The following TEKT3 variants were observed in gnomAD, a reference collection of about 807,000 sequenced individuals.
The protein encoded by TEKT3 is tektin-3.
Under a neutral mutation model 49.8 loss-of-function variants are expected in TEKT3, and 49 were observed. The observed-to-expected ratio is 0.98, with a 90% CI of 0.78 to 1.25. TEKT3 has a LOEUF of 1.25. TEKT3 is among the 50% of genes most tolerant of loss of function. The probability of loss-of-function intolerance (pLI) is 0.00; values close to 1 mark genes in which losing one functional copy is unlikely to be tolerated. For synonymous variants in TEKT3, 225 were observed against 237.2 expected (o/e 0.95, Z 0.47); for missense variants, 595 against 629.5 (o/e 0.95, Z 0.59).
chr17:15,319,657 C>A (rs924943434), intron 4 of TEKT3, among the ~76,000 whole-genome samples: 3 of 152,164 alleles, frequency 2.0e-5, no homozygotes, highest in African/African-American at 7.2e-5. Context: ...GGTCGCCCTC[C>A]GGTCCTGCTT....
At position 15,304,768 on chromosome 17, in the gene TEKT3, C is replaced by T. The variant is rs575461122; in HGVS notation, c.1257-616G>A. The stretch of plus-strand genomic sequence containing the variant: ...TGGAATATGCTTGCAATTTCTCAGA[C>T]CTCGAGGGCTTCACTCTTGCTGTCC... On this transcript the variant is annotated intron_variant, in intron 8 of 8. Coordinates refer to ENST00000395930, the MANE Select transcript of TEKT3 (RefSeq NM_031898.3). This position sits in a 1 kb window ranked among gnomAD's most constrained non-coding sequence, Gnocchi z 4.7. Among the ~76,000 whole-genome samples, 1 of 152,276 alleles carries T rather than the reference C, an allele frequency of 6.6e-6. No individual in the cohort carries two copies. The highest frequency in any genetic ancestry group is 1.9e-4 in the East Asian group (1 of 5,186).
intron 5 of TEKT3, among the ~76,000 whole-genome samples, chr17:15,318,193 G>A (rs533406989): frequency 4.6e-5 from 7 of 151,666 alleles, no homozygotes; most frequent in Non-Finnish European, 8.8e-5. Context: ...CTTTCATGGT[G>A]TTAGCCAGGA....
chr17:15,327,587 T>C (rs1911545373), intron 4 of TEKT3, among the ~76,000 whole-genome samples: 1 of 152,120 alleles, frequency 6.6e-6, no homozygotes, highest in Admixed American at 6.5e-5. Context: ...GTATACCCTA[T>C]TCAAATTTAT....
chr17:15,328,041 C>T lies in TEKT3; in HGVS notation c.614G>A (p.Arg205Lys), dbSNP rs142699492. The change falls in exon 4 of 9, where the codon AGA (arginine) becomes AAA (lysine). Residue 205 changes from arginine (R) to lysine (K), a missense_variant. Coordinates refer to ENST00000395930, the MANE Select transcript of TEKT3 (RefSeq NM_031898.3). ...ATCGTGAACTAGGTCGATTCCCATTCTCTTTTCTCGATGAAATAGACATTC... is the reference window on the plus strand; with the variant it reads ...ATCGTGAACTAGGTCGATTCCCATTTTCTTTTCTCGATGAAATAGACATTC... ...ARECLFHREK[R>K]MGIDLVHDEV... 21 of 1,614,070 alleles carry T rather than the reference C, an allele frequency of 1.3e-5. No homozygotes were observed. In the African/African-American group the frequency reaches 2.5e-4, roughly 19 times the overall value.
rs551723734 is a variant in TEKT3, at chr17:15,304,490, A to G, written c.1257-338T>C. ...GAATTTAGAGAGGTCACCAAGCCCA[A>G]CTTCCTTGTTTTACAGACTAGGAAA... On this transcript the variant is annotated intron_variant, in intron 8 of 8. Coordinates refer to ENST00000395930, the MANE Select transcript of TEKT3 (RefSeq NM_031898.3). This position sits in a 1 kb window ranked among gnomAD's most constrained non-coding sequence, Gnocchi z 4.7. 9.8e-5 allele frequency among the ~76,000 whole-genome samples: 15 copies of G among 152,286 alleles called. No individual in the cohort carries two copies. Among genetic ancestry groups the G allele is most frequent in the African/African-American group, 3.4e-4 (14 of 41,560 alleles).
rs1911716293 is a variant in TEKT3, at chr17:15,331,228, G to C, written c.358C>G (p.Leu120Val). ...SNTSRHNSEK[L>V]RVDTSRLIQD... The stretch of plus-strand genomic sequence containing the variant: ...ATCAGGCGAGATGTATCCACTCTTA[G>C]TTTCTCCGAATTATGTCGGGAAGTG... Residue 120 changes from leucine (L) to valine (V), a missense_variant, in exon 3 of 9, where the codon CTA becomes GTA. Coordinates refer to ENST00000395930, the MANE Select transcript of TEKT3 (RefSeq NM_031898.3). 7 of 1,614,170 alleles carry C rather than the reference G, an allele frequency of 4.3e-6. No homozygotes were observed. In the East Asian group the frequency reaches 1.6e-4, roughly 36 times the overall value.
At chr17:15,327,419 G>A (rs1291529456) in intron 4 of TEKT3, among the ~76,000 whole-genome samples, 3 of 152,080 alleles carry the variant, frequency 2.0e-5, no homozygotes, top group Non-Finnish European at 4.4e-5. Flanking sequence ...GGGAGGCTGA[G>A]GCAGGAGAAT....
rs150666525 is a variant in TEKT3, at chr17:15,305,713, A to G, written c.1257-1561T>C. Among the ~76,000 whole-genome samples the G allele has an allele frequency of 9.3e-3, 1,411 of 151,970 alleles. 24 individuals carry two copies. The highest frequency in any genetic ancestry group is 0.032 in the African/African-American group (1,327 of 41,434). On this transcript the variant is annotated intron_variant, in intron 8 of 8. Transcript: ENST00000395930. ...TGATATATGTGTCTTTACTCCTTTC[A>G]GCCAAATACGAGTCTAGTGGAAATT... is the stretch of plus-strand genomic sequence containing the variant.
At chr17:15,321,415 C>T (rs1292730605) in intron 4 of TEKT3, among the ~76,000 whole-genome samples, 1 of 152,204 alleles carries the variant, frequency 6.6e-6, no homozygotes, top group Non-Finnish European at 1.5e-5. Context: ...CCAAAGGCCT[C>T]TGGCACTGTC....
In TEKT3 at chr17:15,331,094, C is replaced by T. The variant is rs2150750290; in HGVS notation, c.492G>A (p.Leu164=). 1.2e-6 allele frequency: 2 copies of T among 1,614,164 alleles called. No homozygotes were observed. The highest frequency in any genetic ancestry group is 1.3e-5 in the African/African-American group (1 of 75,022). ...GFWKSEIIHE[L]DEMIGETNAL... The stretch of plus-strand genomic sequence containing the variant: ...CATTTGTCTCTCCAATCATTTCATC[C>T]AACTCATGAATGATTTCAGATTTCC... Residue 164 remains leucine, a synonymous_variant, in exon 3 of 9, where the codon TTG becomes TTA. Transcript: ENST00000395930.
rs1393766134 is a variant in TEKT3 at position 15,314,171 on chromosome 17, T to C, written c.794A>G (p.Tyr265Cys). Reference sequence around the variant, plus strand: ...GTGGTGGCATTTGTCGTCGATCCGGTAAGCCGTCTGTTTGTCACTCAGGTC... The same window carrying C: ...GTGGTGGCATTTGTCGTCGATCCGGCAAGCCGTCTGTTTGTCACTCAGGTC... ...EKDLSDKQTA[Y>C]RIDDKCHHLR... The change falls in exon 6 of 9, where the codon TAC becomes TGC. Residue 265 changes from tyrosine to cysteine, a missense_variant. By Grantham distance (194) the Tyr-to-Cys change is radical. Coordinates refer to ENST00000395930, the MANE Select transcript of TEKT3 (RefSeq NM_031898.3). 1.9e-6 allele frequency: 3 copies of C among 1,614,226 alleles called. No individual in the cohort carries two copies. Among genetic ancestry groups the C allele is most frequent in the Non-Finnish European group, 1.7e-6 (2 of 1,180,032 alleles).
intron 2 of TEKT3, among the ~76,000 whole-genome samples, chr17:15,339,422 A>G (rs1320934113): frequency 2.0e-5 from 3 of 152,224 alleles, no homozygotes; most frequent in Non-Finnish European, 4.4e-5. Flanking sequence ...ACAATGTTTG[A>G]CTAGGTGCAC....
At chr17:15,324,884 C>T (rs1911423779) in intron 4 of TEKT3, among the ~76,000 whole-genome samples, 1 of 152,092 alleles carries the variant, frequency 6.6e-6, no homozygotes, top group African/African-American at 2.4e-5. Context: ...ATGTTCTTTT[C>T]TAAAAGTCTT....
At chr17:15,316,484 T>C (rs1158332336) in intron 5 of TEKT3, among the ~76,000 whole-genome samples, 2 of 151,274 alleles carry the variant, frequency 1.3e-5, no homozygotes, top group African/African-American at 4.9e-5. Flanking sequence ...GGGAGGAGGG[T>C]GGGATGTTGG....
intron 2 of TEKT3, among the ~76,000 whole-genome samples, chr17:15,336,411 C>T (rs1021810938): frequency 1.3e-5 from 2 of 151,818 alleles, no homozygotes; most frequent in Non-Finnish European, 2.9e-5. Flanking sequence ...TTCATAAAAA[C>T]GAAATCCAAA....
Position 15,332,259 on chromosome 17 carries a change from C to T in TEKT3, c.-29-645G>A, listed in dbSNP as rs182333889. ...ATAGACTAATAAAAACTAGACTTAG[C>T]CTCTTATATCTAAAAATCTAGACAA... On this transcript the variant is annotated intron_variant, in intron 2 of 8. Coordinates refer to ENST00000395930, the MANE Select transcript of TEKT3 (RefSeq NM_031898.3). Among the ~76,000 whole-genome samples the T allele has an allele frequency of 3.3e-5, 5 of 152,198 alleles. No individual in the cohort carries two copies. The East Asian group carries it at 7.7e-4, about 24-fold the overall frequency.
intron 2 of TEKT3, among the ~76,000 whole-genome samples, chr17:15,332,978 CA>C (rs1911829338): frequency 6.6e-6 from 1 of 151,436 alleles, no homozygotes; most frequent in African/African-American, 2.4e-5. Context: ...CTTTTTAATA[CA>C]AAAACTGAAT....
Position 15,312,271 on chromosome 17 carries a change from C to A in TEKT3, c.1089G>T (p.Thr363=). 1.2e-6 allele frequency: 2 copies of A among 1,614,102 alleles called. No homozygotes were observed. Among genetic ancestry groups the A allele is most frequent in the Non-Finnish European group, 1.7e-6 (2 of 1,180,018 alleles). The change falls in exon 7 of 9, where the codon ACG becomes ACT. Residue 363 remains threonine (T), a synonymous_variant. Transcript: ENST00000395930. ...ETADAKNKIQ[T]HLAKTLQEIF... ...GCGGTTGATTTACCTTTGCTAAGTG[C>A]GTCTGAATCTTATTCTTAGCATCTG...
chr17:15,305,434 G>A (rs895077459), intron 8 of TEKT3, among the ~76,000 whole-genome samples: 9 of 152,206 alleles, frequency 5.9e-5, no homozygotes, highest in Admixed American at 2.6e-4. Context: ...CACAAAACCT[G>A]AGAACTCATC....
Sources: gnomAD v4.1 joint callset for allele counts (sites outside exome capture counted in the v4.1 genomes callset) on GRCh38, gnomAD v4.1.1 for gene constraint, Gnocchi (gnomAD v3.1) non-coding constraint, MANE v1.5 for transcripts, NCBI Gene and HGNC (gene_info 2026-07-23, HGNC 2026-07-21) for gene names.